GALNT13: variants seen among roughly 807,000 people sequenced by gnomAD.
The protein encoded by GALNT13 is polypeptide N-acetylgalactosaminyltransferase 13.
GALNT13 carries 28 observed loss-of-function variants against 64.2 expected under a neutral mutation model. That is an observed-to-expected ratio of 0.44 (90% CI 0.32 to 0.60). GALNT13 has a LOEUF of 0.60. Ranked by LOEUF, GALNT13 falls within the 20% of genes least tolerant of loss-of-function variation. The probability of loss-of-function intolerance (pLI) is 0.05; values close to 1 mark genes in which losing one functional copy is unlikely to be tolerated. For missense variants in GALNT13, 577 were observed against 669.8 expected, an observed-to-expected ratio of 0.86 and a Z score of 1.53; for synonymous variants, 214 against 224.6, an observed-to-expected ratio of 0.95 and a Z score of 0.42.
the GALNT13 span, among the ~76,000 whole-genome samples, chr2:153,726,397 C>T: frequency 6.6e-6 from 1 of 151,738 alleles, no homozygotes; most frequent in Non-Finnish European, 1.5e-5. Context: ...TTTCTTTAAC[C>T]ATTCCTTCAT....
the GALNT13 span, among the ~76,000 whole-genome samples, chr2:153,335,542 T>A: frequency 3.3e-5 from 5 of 152,194 alleles, no homozygotes; most frequent in East Asian, 9.7e-4. Context: ...AGAGATTTGA[T>A]CTTGAGAGAG....
At chr2:153,964,713 C>T (rs1693206550) in intron 3 of GALNT13, among the ~76,000 whole-genome samples, 1 of 149,796 alleles carries the variant, frequency 6.7e-6, no homozygotes, top group Non-Finnish European at 1.5e-5. Flanking sequence ...TTTATTTTTC[C>T]TAATAAAATT....
the GALNT13 span, among the ~76,000 whole-genome samples, chr2:153,817,716 G>A: frequency 3.6e-4 from 55 of 151,988 alleles, no homozygotes; most frequent in African/African-American, 1.2e-3. Context: ...ATGCTTTAAC[G>A]AGTGTCATTG....
At chr2:154,080,948 T>C (rs1046368265) in intron 3 of GALNT13, among the ~76,000 whole-genome samples, 1 of 151,574 alleles carries the variant, frequency 6.6e-6, no homozygotes, top group East Asian at 1.9e-4. Flanking sequence ...GTTTAGTTTT[T>C]TGTGTTTTTC....
the GALNT13 span, among the ~76,000 whole-genome samples, chr2:153,253,261 TC>T: frequency 2.0e-5 from 3 of 149,344 alleles, no homozygotes; most frequent in Non-Finnish European, 4.4e-5. Flanking sequence ...ATGATTTGGC[TC>T]TCTGTTTGTC....
chr2:153,957,610 C>T (rs1341785424), intron 3 of GALNT13, among the ~76,000 whole-genome samples: 1 of 152,158 alleles, frequency 6.6e-6, no homozygotes, highest in Non-Finnish European at 1.5e-5. Context: ...AGCAGGTGCA[C>T]TGATTCTGGC....
the GALNT13 span, among the ~76,000 whole-genome samples, chr2:153,455,202 C>G: frequency 1.3e-5 from 2 of 152,076 alleles, no homozygotes; most frequent in African/African-American, 2.4e-5. Flanking sequence ...CAGTGAACTT[C>G]TTCATATTAT....
At chr2:154,324,383 C>G (rs1694776742) in intron 9 of GALNT13, among the ~76,000 whole-genome samples, 1 of 151,878 alleles carries the variant, frequency 6.6e-6, no homozygotes, top group African/African-American at 2.4e-5. Flanking sequence ...TAGATAAAAT[C>G]TCAACTTTGT....
At chr2:153,765,516 A>G in the GALNT13 span, among the ~76,000 whole-genome samples, 1 of 152,194 alleles carries the variant, frequency 6.6e-6, no homozygotes, top group African/African-American at 2.4e-5. Flanking sequence ...TCTACGAAGT[A>G]AGTAACTTGC....
At chr2:153,646,847 T>G in the GALNT13 span, among the ~76,000 whole-genome samples, 1 of 152,212 alleles carries the variant, frequency 6.6e-6, no homozygotes, top group African/African-American at 2.4e-5. Context: ...CCACATTTTC[T>G]TAATCCAGTC....
chr2:153,939,729 C>A (rs999817590), intron 2 of GALNT13, among the ~76,000 whole-genome samples: 3 of 152,148 alleles, frequency 2.0e-5, no homozygotes, highest in Non-Finnish European at 4.4e-5. Context: ...CTGATGATAA[C>A]AATATGTGTT....
the GALNT13 span, among the ~76,000 whole-genome samples, chr2:153,152,557 T>G: frequency 6.6e-6 from 1 of 151,640 alleles, no homozygotes; most frequent in African/African-American, 2.4e-5. Context: ...TGATCCTCTC[T>G]CTTTTCCCAT....
chr2:153,141,357 C>T, the GALNT13 span, among the ~76,000 whole-genome samples: 1 of 151,964 alleles, frequency 6.6e-6, no homozygotes, highest in African/African-American at 2.4e-5. Flanking sequence ...AACCTCTGCC[C>T]TATGAATGAG....
the GALNT13 span, among the ~76,000 whole-genome samples, chr2:153,448,384 T>C: frequency 6.6e-6 from 1 of 152,122 alleles, no homozygotes; most frequent in East Asian, 1.9e-4. Context: ...TAACAGTTTA[T>C]TTTTTTTCCT....
At chr2:154,087,075 T>C (rs759075795) in intron 3 of GALNT13, among the ~76,000 whole-genome samples, 22 of 152,206 alleles carry the variant, frequency 1.4e-4, no homozygotes, top group Non-Finnish European at 2.8e-4. Context: ...GAATTGTTCA[T>C]ATGTGCAGAT....
At chr2:154,059,493 A>G (rs1410202838) in intron 3 of GALNT13, among the ~76,000 whole-genome samples, 1 of 152,178 alleles carries the variant, frequency 6.6e-6, no homozygotes, top group Admixed American at 6.5e-5. Flanking sequence ...ATCTACATAT[A>G]AATATTTAAT....
chr2:153,969,198 T>C (rs1693581434), intron 3 of GALNT13, among the ~76,000 whole-genome samples: 1 of 152,022 alleles, frequency 6.6e-6, no homozygotes, highest in Non-Finnish European at 1.5e-5. Context: ...TTTTTGAGGA[T>C]TAAAGAGGTA....
intron 12 of GALNT13, among the ~76,000 whole-genome samples, chr2:154,441,261 G>A (rs1409093826): frequency 6.6e-6 from 1 of 152,138 alleles, no homozygotes; most frequent in Non-Finnish European, 1.5e-5. Context: ...CAGAGAGAGG[G>A]AAAGGGAGCA....
the GALNT13 span, among the ~76,000 whole-genome samples, chr2:153,805,557 A>G: frequency 1.3e-5 from 2 of 152,110 alleles, no homozygotes; most frequent in Non-Finnish European, 2.9e-5. Flanking sequence ...TTAACTATAT[A>G]GTTACTTGTA....
Sources: allele counts gnomAD v4.1 joint callset (sites outside exome capture counted in the v4.1 genomes callset), GRCh38; gene constraint gnomAD v4.1.1; transcripts MANE v1.5; gene names NCBI Gene and HGNC (gene_info 2026-07-23, HGNC 2026-07-21).